PAX7: variants seen among roughly 807,000 people sequenced by gnomAD.
The protein encoded by PAX7 is paired box protein Pax-7.
In PAX7, 18 loss-of-function variants were observed where a neutral mutation model predicts 50.7. That is an observed-to-expected ratio of 0.36 (90% CI 0.25 to 0.53). The LOEUF is 0.53. Among genes scored for constraint, PAX7 ranks in the 20% least tolerant of loss-of-function variants. The pLI is 0.93. For synonymous variants in PAX7, 310 were observed against 290.4 expected, an observed-to-expected ratio of 1.07 and a Z score of -0.69; for missense variants, 644 against 702.9, an observed-to-expected ratio of 0.92 and a Z score of 0.95.
intron 7 of PAX7, among the ~76,000 whole-genome samples, chr1:18,724,813 A>G (rs2089537951): frequency 1.3e-5 from 2 of 152,238 alleles, no homozygotes; most frequent in Non-Finnish European, 1.5e-5. Flanking sequence ...AATCTAAGAC[A>G]TCTGATCCTG....
In PAX7 at chr1:18,636,204, T is replaced by C; in HGVS notation, c.452-33T>C. 6.2e-7 allele frequency: 1 copy of C among 1,611,006 alleles called. No homozygotes were observed. The highest frequency in any genetic ancestry group is 8.5e-7 in the Non-Finnish European group (1 of 1,177,894). On this transcript the variant is annotated intron_variant, in intron 3 of 8. Transcript: ENST00000420770. The surrounding 1 kb of genome is among the most constrained non-coding windows in gnomAD (Gnocchi z 5.1). ...CCGCTCGCTCCTCTGCTCCAACAAC[T>C]TATACTTGCTCTTTTGCCTTTGAAT...
rs776226448 is a variant in PAX7, at chr1:18,746,539, T to C, written c.*1610T>C. Reference sequence around the variant, plus strand: ...TCTACATTCCATCACCTTTATCAGGTGCTGCTGAGTACAAAGCACTTGGGA... The same window carrying C: ...TCTACATTCCATCACCTTTATCAGGCGCTGCTGAGTACAAAGCACTTGGGA... On this transcript the variant is annotated 3_prime_UTR_variant, in exon 9 of 9. Transcript: ENST00000420770. The C allele has an allele frequency of 3.2e-4, 74 of 231,410 alleles. No individual in the cohort carries two copies. The highest frequency in any genetic ancestry group is 2.6e-3 in the Middle Eastern group (2 of 782). The allele number at this position is 231,410 out of a possible 1,614,324, so 14.3% of individuals were successfully genotyped here. A position where few individuals can be genotyped will look rare whatever the true frequency, so the allele number is the denominator to read the frequency against.
chr1:18,720,006 G>C (rs963117260), intron 7 of PAX7, among the ~76,000 whole-genome samples: 1 of 152,148 alleles, frequency 6.6e-6, no homozygotes, highest in Non-Finnish European at 1.5e-5. Flanking sequence ...GGTGAGCCCC[G>C]TGGTCAGCAG....
intron 7 of PAX7, among the ~76,000 whole-genome samples, chr1:18,707,124 A>T (rs1266507454): frequency 1.3e-5 from 2 of 152,236 alleles, no homozygotes; most frequent in Non-Finnish European, 2.9e-5. Context: ...GCACTGTTCT[A>T]GGCACTTGGG....
chr1:18,702,788 T>C (rs1002451789), intron 6 of PAX7, among the ~76,000 whole-genome samples: 13 of 152,074 alleles, frequency 8.5e-5, no homozygotes, highest in African/African-American at 3.1e-4. Context: ...CCCATCAAGG[T>C]CTGGTTTTCA....
intron 4 of PAX7, among the ~76,000 whole-genome samples, chr1:18,650,806 A>G (rs972525486): frequency 2.0e-5 from 3 of 152,204 alleles, no homozygotes; most frequent in Non-Finnish European, 4.4e-5. Context: ...TGAAGGGAAC[A>G]TTCTTCCAAA....
In PAX7 at chr1:18,635,112, A is replaced by T. The variant is rs2088125265; in HGVS notation, c.323A>T (p.Gln108Leu). Residue 108 changes from glutamine to leucine, a missense_variant and splice_region_variant, in exon 3 of 9, where the codon CAG (glutamine) becomes CTG (leucine). Gln to Leu is a moderately radical substitution (Grantham distance 113, BLOSUM62 -2). Transcript: ENST00000420770. ...PGAIGGSKPRQVATPDVEKKI... is the reference protein window; with the variant it reads ...PGAIGGSKPRLVATPDVEKKI... ...ACTCTCCCACCTCCACCTCTGAAGC[A>T]GGTGGCGACTCCGGATGTAGAGAAA... The T allele has an allele frequency of 6.2e-7, 1 of 1,613,592 alleles. No homozygotes were observed.
chr1:18,707,151 G>C (rs1282615592), intron 7 of PAX7, among the ~76,000 whole-genome samples: 2 of 152,222 alleles, frequency 1.3e-5, no homozygotes, highest in Non-Finnish European at 2.9e-5. Context: ...CAGTGAACAT[G>C]AGAGGAAGAC....
intron 4 of PAX7, among the ~76,000 whole-genome samples, chr1:18,638,292 G>A (rs1419251765): frequency 1.3e-5 from 2 of 152,208 alleles, no homozygotes; most frequent in Non-Finnish European, 2.9e-5. Flanking sequence ...CGGTTTGGAG[G>A]ATTCCTCTGA....
chr1:18,650,061 G>C (rs2088407919), intron 4 of PAX7, among the ~76,000 whole-genome samples: 1 of 152,212 alleles, frequency 6.6e-6, no homozygotes, highest in Admixed American at 6.5e-5. Context: ...CCCATGGATA[G>C]AGGAAACTCC....
At chr1:18,737,614 A>G (rs984954836) in intron 8 of PAX7, among the ~76,000 whole-genome samples, 1 of 152,260 alleles carries the variant, frequency 6.6e-6, no homozygotes, top group African/African-American at 2.4e-5. Context: ...GAATACATGT[A>G]TGTGTCAGTG....
intron 4 of PAX7, among the ~76,000 whole-genome samples, chr1:18,688,591 T>C (rs377144360): frequency 4.7e-4 from 72 of 152,302 alleles, no homozygotes; most frequent in African/African-American, 1.6e-3. Flanking sequence ...TAGAACTGAA[T>C]GGAGACTCAG....
At chr1:18,670,718 CG>C (rs1160956732) in intron 4 of PAX7, among the ~76,000 whole-genome samples, 1 of 152,200 alleles carries the variant, frequency 6.6e-6, no homozygotes, top group Non-Finnish European at 1.5e-5. Flanking sequence ...GCCAGCCAGC[CG>C]GCAGGGGCTG....
intron 4 of PAX7, among the ~76,000 whole-genome samples, chr1:18,637,534 T>C (rs1188560820): frequency 6.6e-6 from 1 of 152,174 alleles, no homozygotes; most frequent in Non-Finnish European, 1.5e-5. Flanking sequence ...GCCAGTGTTG[T>C]TTCAGTCTCC....
At chr1:18,633,740 A>G (rs1459265380) in intron 1 of PAX7, among the ~76,000 whole-genome samples, 1 of 152,216 alleles carries the variant, frequency 6.6e-6, no homozygotes, top group East Asian at 1.9e-4. Flanking sequence ...GGCTCTAGCC[A>G]GAGCTGTAAA....
At chr1:18,672,603 T>TG (rs2088767494) in intron 4 of PAX7, among the ~76,000 whole-genome samples, 4 of 147,412 alleles carry the variant, frequency 2.7e-5, no homozygotes, top group Admixed American at 6.7e-5. Context: ...TGTGTTTTTT[T>TG]TTTTTTTTTT....
chr1:18,666,796 T>G (rs916288210), intron 4 of PAX7, among the ~76,000 whole-genome samples: 1 of 152,214 alleles, frequency 6.6e-6, no homozygotes, highest in African/African-American at 2.4e-5. Context: ...TATTTGAAAC[T>G]GAGGAAGTCA....
intron 7 of PAX7, among the ~76,000 whole-genome samples, chr1:18,704,657 G>A (rs1250957413): frequency 1.3e-5 from 2 of 151,668 alleles, no homozygotes; most frequent in African/African-American, 4.8e-5. Flanking sequence ...GAGACCATGT[G>A]GTCCACAAAG....
chr1:18,733,834 G>T (rs1460768854), intron 7 of PAX7, among the ~76,000 whole-genome samples: 2 of 152,174 alleles, frequency 1.3e-5, no homozygotes, highest in Non-Finnish European at 1.5e-5. Flanking sequence ...GTGAGCCAGG[G>T]TCAGGCGAAC....
Sources: allele counts gnomAD v4.1 joint callset (sites outside exome capture counted in the v4.1 genomes callset), GRCh38; gene constraint gnomAD v4.1.1; non-coding constraint Gnocchi (gnomAD v3.1); transcripts MANE v1.5; gene names NCBI Gene and HGNC (gene_info 2026-07-23, HGNC 2026-07-21).